Variants in PLPPR1 observed in about 807,000 individuals in gnomAD.
The protein encoded by PLPPR1 is phospholipid phosphatase related 1, also known as phospholipid phosphatase-related protein type 1.
PLPPR1 carries 10 observed loss-of-function variants against 33.1 expected under a neutral mutation model. The observed-to-expected ratio is 0.30, with a 90% CI of 0.19 to 0.51. The LOEUF (loss-of-function observed/expected upper bound fraction) is 0.51, where lower values mean the gene tolerates loss of function less well. Ranked by LOEUF, PLPPR1 falls within the 20% of genes least tolerant of loss-of-function variation. The pLI is 0.97. For synonymous variants in PLPPR1, 151 were observed against 151.0 expected (o/e 1.00, Z 0.00); for missense variants, 304 against 408.1 (o/e 0.74, Z 2.20).
At chr9:101,088,361 C>T (rs1387122151) in intron 1 of PLPPR1, among the ~76,000 whole-genome samples, 1 of 151,930 alleles carries the variant, frequency 6.6e-6, no homozygotes, top group Non-Finnish European at 1.5e-5. Context: ...TCATGATGTA[C>T]ACCTTAAATG....
chr9:101,076,370 A>C (rs1830536885), intron 1 of PLPPR1, among the ~76,000 whole-genome samples: 1 of 152,204 alleles, frequency 6.6e-6, no homozygotes, highest in Admixed American at 6.5e-5. Flanking sequence ...CTTTGTGAGA[A>C]GAATGGGCAT....
At chr9:101,307,000 G>A (rs1389543720) in intron 4 of PLPPR1, among the ~76,000 whole-genome samples, 2 of 152,218 alleles carry the variant, frequency 1.3e-5, no homozygotes, top group Non-Finnish European at 2.9e-5. Context: ...GTTCCACCGC[G>A]CTTTGTTGGT....
chr9:101,172,353 G>A (rs1465150875), intron 1 of PLPPR1, among the ~76,000 whole-genome samples: 1 of 148,366 alleles, frequency 6.7e-6, no homozygotes. Flanking sequence ...CACTAAAGGG[G>A]AAAAAAAAAA....
chr9:101,197,016 G>T (rs942119507), intron 2 of PLPPR1, among the ~76,000 whole-genome samples: 1 of 152,148 alleles, frequency 6.6e-6, no homozygotes, highest in Non-Finnish European at 1.5e-5. Context: ...GACAGTCATG[G>T]TATCAGTAAG....
At chr9:101,182,573 A>G (rs1826134602) in intron 1 of PLPPR1, among the ~76,000 whole-genome samples, 5 of 151,784 alleles carry the variant, frequency 3.3e-5, no homozygotes, top group Admixed American at 2.6e-4. Flanking sequence ...GTGAAAAAAT[A>G]TTTTGGAACT....
chr9:101,110,225 C>T (rs1207121892), intron 1 of PLPPR1, among the ~76,000 whole-genome samples: 1 of 152,126 alleles, frequency 6.6e-6, no homozygotes, highest in Non-Finnish European at 1.5e-5. Flanking sequence ...ATTTGAGTTT[C>T]AGATTGAGTG....
chr9:101,227,941 C>T (rs1324362674), intron 2 of PLPPR1, among the ~76,000 whole-genome samples: 1 of 152,098 alleles, frequency 6.6e-6, no homozygotes, highest in Admixed American at 6.6e-5. Context: ...TCACACCCGG[C>T]TAATTATTTA....
intron 2 of PLPPR1, among the ~76,000 whole-genome samples, chr9:101,206,004 C>T (rs2118757393): frequency 6.6e-6 from 1 of 152,258 alleles, no homozygotes; most frequent in South Asian, 2.1e-4. Flanking sequence ...GAGGGTAAGA[C>T]AGTCATGAGG....
intron 1 of PLPPR1, among the ~76,000 whole-genome samples, chr9:101,108,268 G>T (rs922291156): frequency 1.3e-5 from 2 of 152,160 alleles, no homozygotes; most frequent in African/African-American, 4.8e-5. Flanking sequence ...CTTGAATCAG[G>T]TAATGCATGA....
chr9:101,064,889 C>T (rs1337344755), intron 1 of PLPPR1, among the ~76,000 whole-genome samples: 2 of 151,840 alleles, frequency 1.3e-5, no homozygotes, highest in Non-Finnish European at 2.9e-5. Flanking sequence ...GATCTACTCT[C>T]GTGATAACCA....
At chr9:101,136,563 A>T (rs1366790816) in intron 1 of PLPPR1, among the ~76,000 whole-genome samples, 2 of 152,216 alleles carry the variant, frequency 1.3e-5, no homozygotes, top group Admixed American at 1.3e-4. Flanking sequence ...TCTTTTACTC[A>T]TAAATCTCTT....
intron 7 of PLPPR1, among the ~76,000 whole-genome samples, chr9:101,323,690 T>C (rs1330644958): frequency 6.6e-6 from 1 of 151,664 alleles, no homozygotes; most frequent in Non-Finnish European, 1.5e-5. Flanking sequence ...AACTACAAAA[T>C]TAGCCGGGCA....
At chr9:101,223,168 A>G (rs998783561) in intron 2 of PLPPR1, among the ~76,000 whole-genome samples, 3,002 of 134,702 alleles carry the variant, frequency 0.022, 25 homozygotes, top group Non-Finnish European at 0.033. Context: ...AAAAAAAAAA[A>G]AAAAGAAAAG....
At chr9:101,093,226 C>A (rs1830770837) in intron 1 of PLPPR1, among the ~76,000 whole-genome samples, 1 of 152,084 alleles carries the variant, frequency 6.6e-6, no homozygotes, top group South Asian at 2.1e-4. Flanking sequence ...CAGGATTGAG[C>A]CAAATACAGA....
chr9:101,050,010 A>C (rs938921745), intron 1 of PLPPR1, among the ~76,000 whole-genome samples: 1 of 151,040 alleles, frequency 6.6e-6, no homozygotes, highest in Non-Finnish European at 1.5e-5. Context: ...CTGTAGTCCC[A>C]GCTACTCGGG....
chr9:101,206,819 G>C (rs377507671), intron 2 of PLPPR1, among the ~76,000 whole-genome samples: 61 of 152,178 alleles, frequency 4.0e-4, no homozygotes, highest in African/African-American at 1.4e-3. Context: ...CAAGGACCAA[G>C]CTGCACCAGG....
intron 1 of PLPPR1, among the ~76,000 whole-genome samples, chr9:101,100,244 A>G (rs1187148615): frequency 6.6e-6 from 1 of 152,154 alleles, no homozygotes. Flanking sequence ...TCACACATGG[A>G]AAGTGAAGAA....
chr9:101,056,449 T>C (rs954879275), intron 1 of PLPPR1, among the ~76,000 whole-genome samples: 4 of 152,216 alleles, frequency 2.6e-5, no homozygotes, highest in African/African-American at 9.6e-5. Context: ...AAGAGATTGT[T>C]GGGCCACACT....
intron 1 of PLPPR1, among the ~76,000 whole-genome samples, chr9:101,039,434 AT>A (rs1184266824): frequency 2.0e-5 from 3 of 152,160 alleles, no homozygotes; most frequent in Non-Finnish European, 4.4e-5. Context: ...ATCATTCATT[AT>A]TTTTGATATA....
Sources: gnomAD v4.1 joint callset for allele counts (sites outside exome capture counted in the v4.1 genomes callset) on GRCh38, gnomAD v4.1.1 for gene constraint, MANE v1.5 for transcripts, NCBI Gene and HGNC (gene_info 2026-07-23, HGNC 2026-07-21) for gene names.